The following AGBL4 variants were observed in gnomAD, a reference collection of about 807,000 sequenced individuals.
AGBL4 encodes the protein cytosolic carboxypeptidase 6.
AGBL4 carries 58 observed loss-of-function variants against 66.4 expected under a neutral mutation model. The ratio of observed to expected loss-of-function variants is 0.87; its 90% CI spans 0.71 to 1.09. The LOEUF is 1.09. AGBL4 is among the 50% of genes least tolerant of loss of function. AGBL4 has a pLI of 0.00. For synonymous variants in AGBL4, 234 were observed against 222.9 expected, an observed-to-expected ratio of 1.05 and a Z score of -0.44; for missense variants, 579 against 631.0, an observed-to-expected ratio of 0.92 and a Z score of 0.88.
intron 3 of AGBL4, among the ~76,000 whole-genome samples, chr1:49,455,107 G>C (rs1167721478): frequency 1.3e-5 from 2 of 151,576 alleles, no homozygotes; most frequent in Non-Finnish European, 3.0e-5. Context: ...CAAAGCTTTT[G>C]TGCTTAATCA....
intron 6 of AGBL4, among the ~76,000 whole-genome samples, chr1:48,841,412 C>CAA (rs1426156364): frequency 1.5e-5 from 1 of 65,972 alleles, no homozygotes; most frequent in Non-Finnish European, 3.1e-5. Flanking sequence ...CCCCCCCCCC[C>CAA]AAAAAAAAAG....
chr1:48,997,777 A>G (rs1459285171), intron 5 of AGBL4, among the ~76,000 whole-genome samples: 1 of 152,210 alleles, frequency 6.6e-6, no homozygotes, highest in Non-Finnish European at 1.5e-5. Context: ...GACACTATAT[A>G]TAAGCACTTG....
At chr1:48,544,713 G>GCCCTGAGA (rs954505755) in intron 11 of AGBL4, among the ~76,000 whole-genome samples, 7 of 152,066 alleles carry the variant, frequency 4.6e-5, no homozygotes, top group South Asian at 2.1e-4. Flanking sequence ...CAGTCTGACT[G>GCCCTGAGA]CCCTGAGACC....
intron 4 of AGBL4, among the ~76,000 whole-genome samples, chr1:49,199,298 C>T (rs1235363163): frequency 5.3e-5 from 8 of 152,156 alleles, no homozygotes; most frequent in African/African-American, 9.7e-5. Context: ...GCTATATTAT[C>T]AGCAGCAAGA....
At chr1:49,748,550 G>T (rs1400085067) in intron 2 of AGBL4, among the ~76,000 whole-genome samples, 1 of 152,108 alleles carries the variant, frequency 6.6e-6, no homozygotes, top group African/African-American at 2.4e-5. Context: ...TGGGTCAAAT[G>T]GTATTTCTGG....
intron 5 of AGBL4, among the ~76,000 whole-genome samples, chr1:48,974,476 T>C (rs1361131060): frequency 6.6e-6 from 1 of 152,166 alleles, no homozygotes; most frequent in Non-Finnish European, 1.5e-5. Flanking sequence ...TCTCCTGTTA[T>C]AGACCTGAGG....
At chr1:49,577,985 T>C (rs1273746223) in intron 3 of AGBL4, among the ~76,000 whole-genome samples, 2 of 152,174 alleles carry the variant, frequency 1.3e-5, no homozygotes, top group Non-Finnish European at 2.9e-5. Flanking sequence ...ATCACCCCAG[T>C]GATCCACTAA....
chr1:48,637,488 C>T lies in AGBL4; in HGVS notation c.840-2884G>A, dbSNP rs114909721. ...CATGATTTTGCCCCGTCTCCCTCCA[C>T]GGAAGCCAGATGAGCCAGATTCTAT... On this transcript the variant is annotated intron_variant, in intron 8 of 13. Coordinates refer to ENST00000371839, the MANE Select transcript of AGBL4 (RefSeq NM_032785.4). Among the ~76,000 whole-genome samples, 1,160 of 152,296 alleles carry T rather than the reference C, an allele frequency of 7.6e-3. 10 individuals are homozygous for T. Among genetic ancestry groups the T allele is most frequent in the Admixed American group, 0.01 (155 of 15,302 alleles).
At chr1:49,318,819 G>A (rs898158348) in intron 3 of AGBL4, among the ~76,000 whole-genome samples, 2 of 152,054 alleles carry the variant, frequency 1.3e-5, no homozygotes, top group Non-Finnish European at 2.9e-5. Context: ...CTGTGTTTAT[G>A]AGCCATTTAG....
chr1:49,884,058 T>G (rs1457122512), intron 1 of AGBL4, among the ~76,000 whole-genome samples: 2 of 152,104 alleles, frequency 1.3e-5, no homozygotes, highest in Non-Finnish European at 2.9e-5. Context: ...TTGACTTCTG[T>G]GCATTTTAAT....
At chr1:48,707,172 T>C (rs1444738256) in intron 6 of AGBL4, among the ~76,000 whole-genome samples, 1 of 152,166 alleles carries the variant, frequency 6.6e-6, no homozygotes, top group Non-Finnish European at 1.5e-5. Context: ...AGAGTGCCTC[T>C]AGTCCCAGAT....
intron 4 of AGBL4, among the ~76,000 whole-genome samples, chr1:49,109,973 A>G (rs1224698653): frequency 6.6e-6 from 1 of 152,110 alleles, no homozygotes; most frequent in Non-Finnish European, 1.5e-5. Context: ...CCGTCACCTC[A>G]TCTCTCCCCC....
At chr1:49,102,749 G>T (rs1645226358) in intron 4 of AGBL4, among the ~76,000 whole-genome samples, 1 of 152,154 alleles carries the variant, frequency 6.6e-6, no homozygotes, top group Non-Finnish European at 1.5e-5. Flanking sequence ...TCTAGGCTTA[G>T]AAAGGTTAAC....
At chr1:48,945,808 C>G (rs1209711025) in intron 5 of AGBL4, among the ~76,000 whole-genome samples, 1 of 152,192 alleles carries the variant, frequency 6.6e-6, no homozygotes, top group Non-Finnish European at 1.5e-5. Context: ...ATTTCTGGTT[C>G]AAATTCCTTG....
intron 2 of AGBL4, among the ~76,000 whole-genome samples, chr1:49,698,471 T>C (rs1053401694): frequency 1.4e-4 from 21 of 152,038 alleles, no homozygotes; most frequent in Non-Finnish European, 2.5e-4. Flanking sequence ...TCCTATGAGG[T>C]AGAGACCATT....
intron 3 of AGBL4, among the ~76,000 whole-genome samples, chr1:49,392,351 C>T (rs1644869239): frequency 1.3e-5 from 2 of 152,232 alleles, no homozygotes; most frequent in South Asian, 4.1e-4. Context: ...TAACAGCTGG[C>T]AGAGCCCTCT....
chr1:49,540,648 A>G (rs1265912149), intron 3 of AGBL4, among the ~76,000 whole-genome samples: 3 of 152,216 alleles, frequency 2.0e-5, no homozygotes, highest in Non-Finnish European at 2.9e-5. Context: ...TAGAAAATAT[A>G]TATATATTGT....
intron 4 of AGBL4, among the ~76,000 whole-genome samples, chr1:49,188,072 T>A (rs567328474): frequency 1.3e-5 from 2 of 152,290 alleles, no homozygotes; most frequent in African/African-American, 4.8e-5. Context: ...CTCCTTGCCT[T>A]CTGCCATGAT....
At chr1:49,467,978 A>G (rs951412884) in intron 3 of AGBL4, among the ~76,000 whole-genome samples, 1 of 151,880 alleles carries the variant, frequency 6.6e-6, no homozygotes, top group African/African-American at 2.4e-5. Context: ...ATCAAATTAT[A>G]GCATTGTAAA....
Sources: allele counts gnomAD v4.1 joint callset (sites outside exome capture counted in the v4.1 genomes callset), GRCh38; gene constraint gnomAD v4.1.1; transcripts MANE v1.5; gene names NCBI Gene and HGNC (gene_info 2026-07-23, HGNC 2026-07-21).